ZMIZ2: variants seen among roughly 807,000 people sequenced by gnomAD.
ZMIZ2 encodes zinc finger MIZ-type containing 2.
Under a neutral mutation model 93.9 loss-of-function variants are expected in ZMIZ2, and 26 were observed. That is an observed-to-expected ratio of 0.28 (90% confidence interval 0.20 to 0.38). The LOEUF (loss-of-function observed/expected upper bound fraction) is 0.38, where lower values mean the gene tolerates loss of function less well. ZMIZ2 is among the 10% of genes least tolerant of loss of function. The probability of loss-of-function intolerance (pLI) is 1.00; values close to 1 mark genes in which losing one functional copy is unlikely to be tolerated. For synonymous variants in ZMIZ2, 485 were observed against 516.4 expected, an observed-to-expected ratio of 0.94 and a Z score of 0.82; for missense variants, 1,023 against 1,235.0, an observed-to-expected ratio of 0.83 and a Z score of 2.57.
At chr7:44,757,195 C>G (rs1303915591) in intron 4 of ZMIZ2, 46 bp downstream of exon 4, 1 of 1,552,780 alleles carries the variant, frequency 6.4e-7, no homozygotes, top group Non-Finnish European at 8.6e-7. Flanking sequence ...AGCCATCAAT[C>G]TGGCAGGCAC....
chr7:44,762,563 C>T (rs11978615), intron 11 of ZMIZ2, among the ~76,000 whole-genome samples: 2,758 of 152,262 alleles, frequency 0.018, 83 homozygotes, highest in African/African-American at 0.063. Context: ...GCAGGGGGAA[C>T]GTTCAAGGGG....
rs748405042 is a variant in ZMIZ2, at chr7:44,761,943, G to C, written c.1596+38G>C. ...CGCCGAGGGGGCGGTGCTGTGGCGT[G>C]GGGCGGGGTGTGGTGGGGCCTGGCC... On this transcript the variant is annotated intron_variant, in intron 11 of 18. Transcript: ENST00000309315. The surrounding 1 kb of genome is among the most constrained non-coding windows in gnomAD (Gnocchi z 5.8). The C allele has an allele frequency of 6.3e-7, 1 of 1,581,038 alleles. No individual in the cohort carries two copies. The highest frequency in any genetic ancestry group is 1.3e-5 in the African/African-American group (1 of 74,478).
At chr7:44,759,921 G>A in intron 7 of ZMIZ2, 1 of 568,010 alleles carries the variant, frequency 1.8e-6, no homozygotes, top group Non-Finnish European at 3.1e-6. Context: ...GCAGCTTGGG[G>A]GAGGAGAGGA....
chr7:44,750,226 A>G (rs1423048515), intron 1 of ZMIZ2, among the ~76,000 whole-genome samples: 5 of 152,174 alleles, frequency 3.3e-5, no homozygotes, highest in African/African-American at 1.2e-4. Flanking sequence ...TGCCAGGTTA[A>G]GGTTGTCCCT....
chr7:44,763,171 T>C lies in ZMIZ2; in HGVS notation c.1703-85T>C. Reference sequence around the variant, plus strand: ...TCAGAGCTGTCAGTGGGTCAGTGACTGGGTCCCTGCCTCGTTGGCATCCCC... The same window carrying C: ...TCAGAGCTGTCAGTGGGTCAGTGACCGGGTCCCTGCCTCGTTGGCATCCCC... On this transcript the variant is annotated intron_variant, in intron 12 of 18. Coordinates refer to ENST00000309315, the MANE Select transcript of ZMIZ2 (RefSeq NM_031449.4). The surrounding 1 kb of genome is among the most constrained non-coding windows in gnomAD (Gnocchi z 5.6). The C allele has an allele frequency of 6.4e-7, 1 of 1,562,266 alleles. No homozygotes were observed. The highest frequency in any genetic ancestry group is 8.7e-7 in the Non-Finnish European group (1 of 1,148,410).
Position 44,765,641 on chromosome 7 carries a change from G to C in ZMIZ2, c.2242+62G>C, listed in dbSNP as rs10270503. ...CCTGGGCATATGGCTCCTCTCCCCA[G>C]ATCAGTCTCCTCACCTGCAAGAATG... is the stretch of plus-strand genomic sequence containing the variant. On this transcript the variant is annotated intron_variant, in intron 16 of 18. Coordinates refer to ENST00000309315, the MANE Select transcript of ZMIZ2 (RefSeq NM_031449.4). The surrounding 1 kb of genome is among the most constrained non-coding windows in gnomAD (Gnocchi z 4.1). The C allele has an allele frequency of 8.4e-3, 13,119 of 1,552,980 alleles. 499 individuals are homozygous for C. The African/African-American group carries it at 0.091, about 11-fold the overall frequency.
rs1791368299 is a variant in ZMIZ2, at chr7:44,763,060, T to C, written c.1702+74T>C. On this transcript the variant is annotated intron_variant, in intron 12 of 18. Coordinates refer to ENST00000309315, the MANE Select transcript of ZMIZ2 (RefSeq NM_031449.4). This position sits in a 1 kb window ranked among gnomAD's most constrained non-coding sequence, Gnocchi z 5.6. ...GTGGCCCAAGCCCAACAATCCTCCT[T>C]GTGGGCACCTCCTCGTGTCACACCA... 5 of 1,488,334 alleles carry C rather than the reference T, an allele frequency of 3.4e-6. No homozygotes were observed. Among genetic ancestry groups the C allele is most frequent in the Non-Finnish European group, 4.6e-6 (5 of 1,085,632 alleles). The allele number at this position is 1,488,334 out of a possible 1,614,324, so 92.2% of individuals were successfully genotyped here. A position where few individuals can be genotyped will look rare whatever the true frequency, so the allele number is the denominator to read the frequency against.
In ZMIZ2 at chr7:44,766,500, C is replaced by T. The variant is rs751467654; in HGVS notation, c.2492C>T (p.Pro831Leu). ...GLHTSNLGAP[P>L]GPQLHHSNPP... is the part of the protein sequence containing the mutation. ...CACACCTCCAACCTTGGGGCCCCTCCAGGTCCCCAGCTGCACCATTCAAAC... is the reference window on the plus strand; with the variant it reads ...CACACCTCCAACCTTGGGGCCCCTCTAGGTCCCCAGCTGCACCATTCAAAC... Residue 831 changes from proline to leucine, a missense_variant, in exon 18 of 19, where the codon CCA (proline) becomes CTA (leucine). Pro to Leu is a moderately conservative substitution (Grantham distance 98, BLOSUM62 -3). Coordinates refer to ENST00000309315, the MANE Select transcript of ZMIZ2 (RefSeq NM_031449.4). The surrounding 1 kb of genome is among the most constrained non-coding windows in gnomAD (Gnocchi z 4.4). The T allele has an allele frequency of 4.3e-6, 7 of 1,614,052 alleles. No individual in the cohort carries two copies. The African/African-American group carries it at 9.3e-5, about 22-fold the overall frequency.
chr7:44,767,630 G>A lies in ZMIZ2; in HGVS notation c.*7G>A. 6.2e-7 allele frequency: 1 copy of A among 1,613,324 alleles called. No individual in the cohort carries two copies. The highest frequency in any genetic ancestry group is 1.7e-5 in the Admixed American group (1 of 60,016). On this transcript the variant is annotated 3_prime_UTR_variant, in exon 19 of 19. Coordinates refer to ENST00000309315, the MANE Select transcript of ZMIZ2 (RefSeq NM_031449.4). Reference sequence around the variant, plus strand: ...TCTGTTTGAGAACAACTGATCCTGTGTTTACCCCAAGCCCGGCGGGGACAC... The same window carrying A: ...TCTGTTTGAGAACAACTGATCCTGTATTTACCCCAAGCCCGGCGGGGACAC...
At chr7:44,767,490 GCTAA>G (rs1187777403) in intron 18 of ZMIZ2, 22 bp from the exon 19 acceptor site, 1 of 1,591,392 alleles carries the variant, frequency 6.3e-7, no homozygotes, top group East Asian at 2.2e-5. Context: ...GACCAAAGCT[GCTAA>G]CAGAGTTCAC....
Position 44,761,524 on chromosome 7 carries a change from A to G in ZMIZ2, c.1316A>G (p.Gln439Arg). ...DGVVLEPFRL[Q>R]HNLAVSNHVF... ...GTGGTCCTGGAGCCCTTCCGCCTGC[A>G]GCACAACCTGGCTGTAAGCAACCAT... Residue 439 changes from glutamine to arginine, a missense_variant, in exon 10 of 19, where the codon CAG (glutamine) becomes CGG (arginine). By Grantham distance (43) the Gln-to-Arg change is conservative (BLOSUM62 1). Transcript: ENST00000309315. The surrounding 1 kb of genome is among the most constrained non-coding windows in gnomAD (Gnocchi z 5.8). 6.2e-7 allele frequency: 1 copy of G among 1,614,122 alleles called. No homozygotes were observed. The highest frequency in any genetic ancestry group is 2.2e-5 in the East Asian group (1 of 44,880).
At chr7:44,759,833 C>T in intron 7 of ZMIZ2, 1 of 474,522 alleles carries the variant, frequency 2.1e-6, no homozygotes, top group East Asian at 4.0e-5. Context: ...GAGGACAGGC[C>T]CTCGCTGCTG....
chr7:44,753,927 G>T (rs185670557), intron 1 of ZMIZ2, among the ~76,000 whole-genome samples: 22 of 152,300 alleles, frequency 1.4e-4, no homozygotes, highest in Middle Eastern at 3.4e-3. Context: ...GGTTGGAAAG[G>T]CTGTCCTTCC....
Position 44,763,365 on chromosome 7 carries a change from C to G in ZMIZ2, c.1812C>G (p.Phe604Leu). 1 of 1,614,168 alleles carries G rather than the reference C, an allele frequency of 6.2e-7. No homozygotes were observed. The highest frequency in any genetic ancestry group is 8.5e-7 in the Non-Finnish European group (1 of 1,180,030). ...IKVSLKCPIT[F>L]RRIQLPARGH... ...TGTCCCTGAAGTGCCCCATCACCTT[C>G]CGCAGGATCCAGCTCCCTGCCCGAG... Residue 604 changes from phenylalanine to leucine, a missense_variant, in exon 13 of 19, where the codon TTC becomes TTG. Physicochemically the swap from Phe to Leu is conservative, Grantham distance 22. This residue lies in a region of ZMIZ2 where 48 missense variants were observed against 99.1 expected (regional missense o/e 0.48). Transcript: ENST00000309315. The surrounding 1 kb of genome is among the most constrained non-coding windows in gnomAD (Gnocchi z 5.6).
At position 44,757,061 on chromosome 7, in the gene ZMIZ2, T is replaced by A; in HGVS notation, c.280T>A (p.Phe94Ile). 1 of 1,608,804 alleles carries A rather than the reference T, an allele frequency of 6.2e-7. No homozygotes were observed. Among genetic ancestry groups the A allele is most frequent in the Non-Finnish European group, 8.5e-7 (1 of 1,178,114 alleles). ...CCCACAGTGCCTGGGACAGCAGGCG[T>A]TTGCTGAAGGCGGCGCCAACAAGGG... ...TSPQCLGQQAFAEGGANKGYV... is the reference protein window; with the variant it reads ...TSPQCLGQQAIAEGGANKGYV... The change falls in exon 4 of 19, where the codon TTT becomes ATT. Residue 94 changes from phenylalanine (F) to isoleucine (I), a missense_variant. This residue lies in a region of ZMIZ2 where 656 missense variants were observed against 777.1 expected (regional missense o/e 0.84). Coordinates refer to ENST00000309315, the MANE Select transcript of ZMIZ2 (RefSeq NM_031449.4).
At position 44,757,569 on chromosome 7, in the gene ZMIZ2, C is replaced by A; in HGVS notation, c.552+8C>A. ...CTGAGCCAGTATGGAGCGGTGAGCCCCCTCAGCAGCTCCTCCCACATGGCA... is the reference window on the plus strand; with the variant it reads ...CTGAGCCAGTATGGAGCGGTGAGCCACCTCAGCAGCTCCTCCCACATGGCA... On this transcript the variant is annotated splice_region_variant and intron_variant, in intron 5 of 18. Transcript: ENST00000309315. 1 of 1,580,906 alleles carries A rather than the reference C, an allele frequency of 6.3e-7. No homozygotes were observed. The highest frequency in any genetic ancestry group is 2.3e-5 in the East Asian group (1 of 44,064).
chr7:44,751,574 C>T (rs1350585625), intron 1 of ZMIZ2, among the ~76,000 whole-genome samples: 2 of 152,248 alleles, frequency 1.3e-5, no homozygotes, highest in African/African-American at 4.8e-5. Flanking sequence ...CCAACCCAAC[C>T]AGCTTTCTAG....
chr7:44,758,602 C>T (rs575808723), intron 6 of ZMIZ2, among the ~76,000 whole-genome samples: 53 of 151,832 alleles, frequency 3.5e-4, no homozygotes, highest in African/African-American at 1.1e-3. Context: ...GTGGTGAAAC[C>T]GCATGTCTAC....
In ZMIZ2 at chr7:44,765,898, C is replaced by T; in HGVS notation, c.2243-266C>T. The T allele has an allele frequency of 7.2e-7, 1 of 1,392,040 alleles. No individual in the cohort carries two copies. Among genetic ancestry groups the T allele is most frequent in the Non-Finnish European group, 9.3e-7 (1 of 1,074,164 alleles). The allele number at this position is 1,392,040 out of a possible 1,614,324, so 86.2% of individuals were successfully genotyped here. On this transcript the variant is annotated intron_variant, in intron 16 of 18. Transcript: ENST00000309315. This position sits in a 1 kb window ranked among gnomAD's most constrained non-coding sequence, Gnocchi z 4.1. ...ATCTGGGGCCCCCCTCTGGGACCCA[C>T]CTCACACGCGTGGTGCGTTTGTTTG... is the stretch of plus-strand genomic sequence containing the variant.
Sources: gnomAD v4.1 joint callset for allele counts (sites outside exome capture counted in the v4.1 genomes callset) on GRCh38, gnomAD v4.1.1 for gene constraint, gnomAD v4.1.1 regional missense constraint, Gnocchi (gnomAD v3.1) non-coding constraint, MANE v1.5 for transcripts, NCBI Gene and HGNC (gene_info 2026-07-23, HGNC 2026-07-21) for gene names.